ZFHX3: variants seen among roughly 807,000 people sequenced by gnomAD.
ZFHX3 encodes zinc finger homeobox protein 3.
A neutral mutation model predicts 279.1 loss-of-function variants in ZFHX3; 42 were observed. That is an observed-to-expected ratio of 0.15 (90% CI 0.12 to 0.19). ZFHX3 has a LOEUF of 0.19. ZFHX3 is among the 10% of genes least tolerant of loss of function. The pLI is 1.00. For missense variants in ZFHX3, 4,981 were observed against 4,754.0 expected (o/e 1.05, Z -1.40); for synonymous variants, 2,293 against 1,957.8 (o/e 1.17, Z -4.52).
At chr16:73,337,892 C>CA (rs1555510883) in intron 3 of ZFHX3, among the ~76,000 whole-genome samples, 3 of 79,162 alleles carry the variant, frequency 3.8e-5, no homozygotes, top group South Asian at 3.9e-4. Flanking sequence ...CTTCCCTTGG[C>CA]GGGGGGGGGG....
Position 72,991,974 on chromosome 16 carries a change from C to T in ZFHX3, c.-49-31780G>A, listed in dbSNP as rs184821296. Among the ~76,000 whole-genome samples, 52 of 152,082 alleles carry T rather than the reference C, an allele frequency of 3.4e-4. No individual in the cohort carries two copies. The East Asian group carries it at 9.1e-3, about 27-fold the overall frequency. On this transcript the variant is annotated intron_variant, in intron 1 of 9. Coordinates refer to ENST00000268489, the MANE Select transcript of ZFHX3 (RefSeq NM_006885.4). ...TATTTGTGGTTATAACGGAGGATCC[C>T]GTGAAAAGAAAAATGTAAAGCAAAT...
intron 5 of ZFHX3, among the ~76,000 whole-genome samples, chr16:72,823,242 G>A (rs1341572287): frequency 1.3e-5 from 2 of 152,214 alleles, no homozygotes; most frequent in Non-Finnish European, 1.5e-5. Flanking sequence ...TGGGCTCCCA[G>A]TATTCCCTCA....
chr16:73,389,968 G>A (rs1302573131), intron 3 of ZFHX3, among the ~76,000 whole-genome samples: 1 of 152,182 alleles, frequency 6.6e-6, no homozygotes, highest in African/African-American at 2.4e-5. Flanking sequence ...GCTAAGGCAG[G>A]AGAATCACTT....
At chr16:73,511,830 T>C (rs2019433282) in intron 2 of ZFHX3, among the ~76,000 whole-genome samples, 1 of 152,090 alleles carries the variant, frequency 6.6e-6, no homozygotes. Context: ...AACCTGAAAT[T>C]CAATAATTTG....
intron 1 of ZFHX3, among the ~76,000 whole-genome samples, chr16:73,778,800 C>T (rs1384476819): frequency 1.3e-5 from 2 of 152,180 alleles, no homozygotes; most frequent in African/African-American, 4.8e-5. Flanking sequence ...CACCAGAAAT[C>T]ATATCAATCC....
chr16:73,754,483 A>C (rs1212157885), intron 1 of ZFHX3, among the ~76,000 whole-genome samples: 1 of 151,966 alleles, frequency 6.6e-6, no homozygotes, highest in Non-Finnish European at 1.5e-5. Flanking sequence ...CATGGCATAC[A>C]CCAGCATCTT....
At chr16:73,652,348 G>A (rs1214192584) in intron 2 of ZFHX3, among the ~76,000 whole-genome samples, 1 of 152,134 alleles carries the variant, frequency 6.6e-6, no homozygotes, top group Admixed American at 6.5e-5. Flanking sequence ...AAAGCAGTCA[G>A]CAGTTAAACA....
At chr16:73,002,253 C>G (rs1485063310) in intron 1 of ZFHX3, among the ~76,000 whole-genome samples, 2 of 152,166 alleles carry the variant, frequency 1.3e-5, no homozygotes, top group Non-Finnish European at 2.9e-5. Context: ...TTCTACTTCT[C>G]TGGCCAGGAG....
At chr16:73,379,566 T>C (rs1221498014) in intron 3 of ZFHX3, among the ~76,000 whole-genome samples, 12 of 152,104 alleles carry the variant, frequency 7.9e-5, no homozygotes, top group Non-Finnish European at 1.8e-4. Context: ...AGTAAGACAA[T>C]GTGTATAGAG....
intron 1 of ZFHX3, among the ~76,000 whole-genome samples, chr16:72,976,242 T>C (rs925410926): frequency 6.6e-6 from 1 of 152,242 alleles, no homozygotes; most frequent in Non-Finnish European, 1.5e-5. Flanking sequence ...AGTTCTAATC[T>C]TGGACAGCGC....
At chr16:73,845,737 T>C (rs1473926414) in intron 1 of ZFHX3, among the ~76,000 whole-genome samples, 1 of 152,208 alleles carries the variant, frequency 6.6e-6, no homozygotes, top group Non-Finnish European at 1.5e-5. Context: ...CAAAATAGTG[T>C]CTTTTCTCAA....
intron 1 of ZFHX3, among the ~76,000 whole-genome samples, chr16:72,978,863 T>C (rs898600724): frequency 1.3e-5 from 2 of 152,252 alleles, no homozygotes; most frequent in African/African-American, 2.4e-5. Context: ...TTACCATTTA[T>C]TGAGTGCCTA....
At chr16:72,885,183 C>A (rs940088560) in intron 4 of ZFHX3, among the ~76,000 whole-genome samples, 1 of 152,232 alleles carries the variant, frequency 6.6e-6, no homozygotes, top group Non-Finnish European at 1.5e-5. Context: ...CAATTTACCA[C>A]AGGACTCGGC....
chr16:73,361,173 G>A (rs911195963), intron 3 of ZFHX3, among the ~76,000 whole-genome samples: 6 of 152,214 alleles, frequency 3.9e-5, no homozygotes, highest in East Asian at 1.9e-4. Context: ...AGGCTGGCAC[G>A]TTGGTGGCCT....
At chr16:72,854,428 G>C (rs1240990773) in intron 4 of ZFHX3, among the ~76,000 whole-genome samples, 1 of 152,142 alleles carries the variant, frequency 6.6e-6, no homozygotes, top group Non-Finnish European at 1.5e-5. Flanking sequence ...CATTACTAAA[G>C]CCCTAAAGAG....
At chr16:73,848,940 A>G (rs1177907096) in intron 1 of ZFHX3, among the ~76,000 whole-genome samples, 2 of 152,224 alleles carry the variant, frequency 1.3e-5, no homozygotes, top group East Asian at 3.8e-4. Flanking sequence ...CAGGACTTGA[A>G]ATTCCCAAGG....
At chr16:73,586,121 G>GC (rs2051923495) in intron 2 of ZFHX3, among the ~76,000 whole-genome samples, 1 of 152,148 alleles carries the variant, frequency 6.6e-6, no homozygotes, top group East Asian at 1.9e-4. Flanking sequence ...AGGCATGGTG[G>GC]CTCAAACCTA....
chr16:73,520,025 G>A (rs1433241621), intron 2 of ZFHX3, among the ~76,000 whole-genome samples: 9 of 152,164 alleles, frequency 5.9e-5, no homozygotes, highest in Non-Finnish European at 2.9e-5. Flanking sequence ...ATAAAAGAAT[G>A]TATGGAAACT....
chr16:73,668,444 A>G (rs2052868021), intron 2 of ZFHX3, among the ~76,000 whole-genome samples: 1 of 152,012 alleles, frequency 6.6e-6, no homozygotes, highest in Non-Finnish European at 1.5e-5. Context: ...TCCTAATGCT[A>G]TCCCTCACCT....
Sources: allele counts gnomAD v4.1 joint callset (sites outside exome capture counted in the v4.1 genomes callset), GRCh38; gene constraint gnomAD v4.1.1; transcripts MANE v1.5; gene names NCBI Gene and HGNC (gene_info 2026-07-23, HGNC 2026-07-21).